ACAN: variants seen among roughly 807,000 people sequenced by gnomAD.
ACAN encodes aggrecan core protein.
Under a neutral mutation model 169.1 loss-of-function variants are expected in ACAN, and 47 were observed. That is an observed-to-expected ratio of 0.28 (90% CI 0.22 to 0.35). The LOEUF is 0.35. Among genes scored for constraint, ACAN ranks in the 10% least tolerant of loss-of-function variants. The pLI is 1.00. For synonymous variants in ACAN, 1,115 were observed against 1,112.2 expected (o/e 1.00, Z -0.05); for missense variants, 2,716 against 2,759.9 (o/e 0.98, Z 0.36).
At chr15:88,862,048 C>G (rs530856842) in intron 13 of ACAN, among the ~76,000 whole-genome samples, 1 of 152,270 alleles carries the variant, frequency 6.6e-6, no homozygotes, top group East Asian at 1.9e-4. Context: ...AATCAAGAAT[C>G]AAGACCTTAA....
chr15:88,873,831 T>C lies in ACAN; in HGVS notation c.7448-11T>C. 6.2e-7 allele frequency: 1 copy of C among 1,613,274 alleles called. No homozygotes were observed. Among genetic ancestry groups the C allele is most frequent in the South Asian group, 1.1e-5 (1 of 90,980 alleles). On this transcript the variant is annotated splice_polypyrimidine_tract_variant and intron_variant, in intron 17 of 18. Coordinates refer to ENST00000560601, the MANE Select transcript of ACAN (RefSeq NM_001369268.1). The surrounding 1 kb of genome is among the most constrained non-coding windows in gnomAD (Gnocchi z 7.5). ...CTATGAGACCCTTTATAAAGGGTGT[T>C]TGCCCCTCAGTGGCCTGCGGAGAGC...
chr15:88,857,132 A>C lies in ACAN; in HGVS notation c.4547A>C (p.Glu1516Ala), dbSNP rs748894957. ...VSELPSGEGL[E>A]TSASGVEDLS... The stretch of plus-strand genomic sequence containing the variant: ...GAACTTCCTTCAGGAGAAGGTCTAG[A>C]GACCTCTGCTTCTGGAGTAGAGGAC... Residue 1516 changes from glutamate to alanine, a missense_variant, in exon 12 of 19, where the codon GAG (glutamate) becomes GCG (alanine). Around this residue, in one of 3 missense-constraint regions of ACAN, gnomAD observed 1,389 missense variants for 1,363.7 expected, o/e 1.02. Coordinates refer to ENST00000560601, the MANE Select transcript of ACAN (RefSeq NM_001369268.1). 1 of 1,607,488 alleles carries C rather than the reference A, an allele frequency of 6.2e-7. No individual in the cohort carries two copies. The highest frequency in any genetic ancestry group is 1.1e-5 in the South Asian group (1 of 90,374).
Position 88,869,072 on chromosome 15 carries a change from G to A in ACAN, c.7060+743G>A, listed in dbSNP as rs557716741. Among the ~76,000 whole-genome samples the A allele has an allele frequency of 2.1e-4, 32 of 152,138 alleles. No homozygotes were observed. Among genetic ancestry groups the A allele is most frequent in the Non-Finnish European group, 4.4e-4 (30 of 68,026 alleles). ...CATTTCTGCACCACTTCTACCAAAAGGAGCTGTGCACCAGGAACCCTCCCA... is the reference window on the plus strand; with the variant it reads ...CATTTCTGCACCACTTCTACCAAAAAGAGCTGTGCACCAGGAACCCTCCCA... On this transcript the variant is annotated intron_variant, in intron 14 of 18. Coordinates refer to ENST00000560601, the MANE Select transcript of ACAN (RefSeq NM_001369268.1). This position sits in a 1 kb window ranked among gnomAD's most constrained non-coding sequence, Gnocchi z 4.2.
At chr15:88,813,736 G>A (rs1278017244) in intron 1 of ACAN, among the ~76,000 whole-genome samples, 1 of 152,218 alleles carries the variant, frequency 6.6e-6, no homozygotes. Context: ...GTAGGAAGCA[G>A]GTCAGGCAGT....
chr15:88,860,404 GC>G lies in ACAN; in HGVS notation c.6917del (p.Pro2306LeufsTer10), dbSNP rs777726601. 6.2e-7 allele frequency: 1 copy of G among 1,613,642 alleles called. No homozygotes were observed. Among genetic ancestry groups the G allele is most frequent in the Non-Finnish European group, 8.5e-7 (1 of 1,179,796 alleles). On this transcript the variant is annotated frameshift_variant, in exon 13 of 19. Coordinates refer to ENST00000560601, the MANE Select transcript of ACAN (RefSeq NM_001369268.1). LOFTEE classifies it high-confidence loss of function. Reference sequence around the variant, plus strand: ...ACAGAGGGACACGTCATATGCCTGTGCCCCCCTGGCTACACTGGCGAGCACT... The same window carrying G: ...ACAGAGGGACACGTCATATGCCTGTGCCCCCTGGCTACACTGGCGAGCACT... ...KETEGHVICL[C>X]PPGYTGEHCN...
At position 88,859,198 on chromosome 15, in the gene ACAN, C is replaced by T; in HGVS notation, c.6613C>T (p.His2205Tyr). ...RTEISGDLSG[H>Y]TSQLGVVIST... ...TGAAATCAGCGGAGACCTGTCTGGT[C>T]ACACCTCGCAGCTGGGCGTTGTCAT... The change falls in exon 12 of 19, where the codon CAC becomes TAC. Residue 2205 changes from histidine (H) to tyrosine (Y), a missense_variant. By Grantham distance (83) the His-to-Tyr change is moderately conservative. This residue lies in a region of ACAN where 1,389 missense variants were observed against 1,363.7 expected (regional missense o/e 1.02). Transcript: ENST00000560601. The T allele has an allele frequency of 6.2e-7, 1 of 1,613,888 alleles. No homozygotes were observed.
At chr15:88,833,733 A>AGT (rs1567172529) in intron 1 of ACAN, among the ~76,000 whole-genome samples, 1 of 46,972 alleles carries the variant, frequency 2.1e-5, no homozygotes, top group East Asian at 3.8e-4. Flanking sequence ...CCCTACCCCC[A>AGT]CTCTCCTCCC....
rs550261081 is a variant in ACAN at position 88,861,138 on chromosome 15, C to T, written c.6946+699C>T. 7.2e-5 allele frequency among the ~76,000 whole-genome samples: 11 copies of T among 152,196 alleles called. No individual in the cohort carries two copies. Among genetic ancestry groups the T allele is most frequent in the African/African-American group, 2.7e-4 (11 of 41,508 alleles). On this transcript the variant is annotated intron_variant, in intron 13 of 18. Transcript: ENST00000560601. This position sits in a 1 kb window ranked among gnomAD's most constrained non-coding sequence, Gnocchi z 6.3. ...TTGTTCCACGGACACACGGGAGGCC[C>T]GTGGTCATGAGGACATCTCATCTCA... is the stretch of plus-strand genomic sequence containing the variant.
chr15:88,806,019 G>T (rs764659109), intron 1 of ACAN, among the ~76,000 whole-genome samples: 1 of 152,192 alleles, frequency 6.6e-6, no homozygotes, highest in Non-Finnish European at 1.5e-5. Context: ...AGCCAGGAGG[G>T]TGGACAGCCT....
intron 1 of ACAN, 27 bp from the exon 2 acceptor site, chr15:88,836,173 A>G: frequency 4.4e-6 from 7 of 1,574,858 alleles, no homozygotes; most frequent in East Asian, 2.2e-5. Context: ...CACTGTCTAA[A>G]TAACGCCTCT....
intron 13 of ACAN, among the ~76,000 whole-genome samples, chr15:88,863,128 G>A (rs1291283381): frequency 1.3e-5 from 2 of 152,058 alleles, no homozygotes; most frequent in African/African-American, 4.8e-5. Flanking sequence ...GGTCAAGGGG[G>A]TCAGAAGCTG....
chr15:88,808,247 G>C (rs1351314745), intron 1 of ACAN, among the ~76,000 whole-genome samples: 1 of 152,208 alleles, frequency 6.6e-6, no homozygotes, highest in Non-Finnish European at 1.5e-5. Context: ...AAGGGACCTA[G>C]GCCCAAAGAG....
intron 5 of ACAN, among the ~76,000 whole-genome samples, chr15:88,842,275 G>A (rs1896680609): frequency 6.6e-6 from 1 of 152,122 alleles, no homozygotes; most frequent in East Asian, 1.9e-4. Context: ...AGCTCCCAGG[G>A]CAGCTGGCCA....
At chr15:88,835,469 A>T (rs1320327493) in intron 1 of ACAN, among the ~76,000 whole-genome samples, 29 of 152,148 alleles carry the variant, frequency 1.9e-4, no homozygotes, top group Non-Finnish European at 2.9e-5. Flanking sequence ...GGTTCATGCA[A>T]TTATAGAGGC....
rs998376208 is a variant in ACAN at position 88,814,687 on chromosome 15, G to T, written c.-8+10878G>T. 4.6e-5 allele frequency among the ~76,000 whole-genome samples: 7 copies of T among 152,318 alleles called. No homozygotes were observed. Among genetic ancestry groups the T allele is most frequent in the Non-Finnish European group, 5.9e-5 (4 of 68,038 alleles). ...CAGTGTGCAGCCTTTGCAATTGATT[G>T]TACCCGACTCCTTCAACCCTTCTCT... On this transcript the variant is annotated intron_variant, in intron 1 of 18. Transcript: ENST00000560601. The surrounding 1 kb of genome is among the most constrained non-coding windows in gnomAD (Gnocchi z 4.0).
At chr15:88,864,731 T>C (rs976465623) in intron 13 of ACAN, among the ~76,000 whole-genome samples, 4 of 152,194 alleles carry the variant, frequency 2.6e-5, no homozygotes, top group Non-Finnish European at 4.4e-5. Context: ...AGAGCATCCA[T>C]TGAATTGAGA....
intron 13 of ACAN, 121 bp downstream of exon 13, chr15:88,860,560 G>T: frequency 1.4e-6 from 1 of 726,400 alleles, no homozygotes; most frequent in Non-Finnish European, 2.4e-6. Flanking sequence ...GGCTGGGAAG[G>T]AGCTGCATGA....
intron 1 of ACAN, among the ~76,000 whole-genome samples, chr15:88,831,444 C>T (rs1896361276): frequency 1.3e-5 from 2 of 152,256 alleles, no homozygotes; most frequent in Admixed American, 1.3e-4. Flanking sequence ...CCTCCAGTCC[C>T]ATCCTCAGCC....
intron 1 of ACAN, among the ~76,000 whole-genome samples, chr15:88,830,356 T>A (rs1896328807): frequency 6.6e-6 from 1 of 152,216 alleles, no homozygotes; most frequent in Non-Finnish European, 1.5e-5. Flanking sequence ...TTCTGAGAAA[T>A]GCATTCTTAG....
Sources: gnomAD v4.1 joint callset for allele counts (sites outside exome capture counted in the v4.1 genomes callset) on GRCh38, gnomAD v4.1.1 for gene constraint, gnomAD v4.1.1 regional missense constraint, Gnocchi (gnomAD v3.1) non-coding constraint, MANE v1.5 for transcripts, NCBI Gene and HGNC (gene_info 2026-07-23, HGNC 2026-07-21) for gene names.